The following DSCAM variants were observed in gnomAD, a reference collection of about 807,000 sequenced individuals.
DSCAM encodes cell adhesion molecule DSCAM.
A neutral mutation model predicts 217.7 loss-of-function variants in DSCAM; 47 were observed. The ratio of observed to expected loss-of-function variants is 0.22; its 90% CI spans 0.17 to 0.28. The LOEUF (loss-of-function observed/expected upper bound fraction) is 0.28. Ranked by LOEUF, DSCAM falls within the 10% of genes least tolerant of loss-of-function variation. DSCAM has a pLI of 1.00. For missense variants in DSCAM, 2,080 were observed against 2,618.3 expected (o/e 0.79, Z 4.49); for synonymous variants, 1,056 against 1,015.3 (o/e 1.04, Z -0.76).
rs565295404 is a variant in DSCAM at position 40,197,950 on chromosome 21, G to A, written c.2357-8712C>T. Among the ~76,000 whole-genome samples the A allele has an allele frequency of 5.9e-5, 9 of 152,254 alleles. No homozygotes were observed. In the East Asian group the frequency reaches 1.4e-3, roughly 23 times the overall value. On this transcript the variant is annotated intron_variant, in intron 11 of 32. Transcript: ENST00000400454. ...TATAGTAGCGGAGGAGGCCAAGGGT[G>A]CAGAGTGTCTGACCACAGGGGTATC...
At chr21:40,475,466 C>T (rs575246339) in intron 3 of DSCAM, among the ~76,000 whole-genome samples, 7 of 152,320 alleles carry the variant, frequency 4.6e-5, no homozygotes, top group East Asian at 1.9e-4. Context: ...GTGTGACCTT[C>T]GTCCTGGCCT....
intron 2 of DSCAM, among the ~76,000 whole-genome samples, chr21:40,695,301 T>G (rs1056974203): frequency 5.9e-5 from 9 of 151,992 alleles, no homozygotes; most frequent in African/African-American, 2.2e-4. Flanking sequence ...GCCATAAAAA[T>G]ATGGGGTGAC....
intron 3 of DSCAM, among the ~76,000 whole-genome samples, chr21:40,597,203 C>G (rs926635947): frequency 6.6e-6 from 1 of 152,174 alleles, no homozygotes; most frequent in African/African-American, 2.4e-5. Flanking sequence ...TTGGCTATTA[C>G]TAGCTTCAAC....
At chr21:40,373,446 G>A (rs1312791041) in intron 3 of DSCAM, among the ~76,000 whole-genome samples, 1 of 152,076 alleles carries the variant, frequency 6.6e-6, no homozygotes, top group Non-Finnish European at 1.5e-5. Context: ...TTTGGGTTTA[G>A]GAACATCCCA....
At chr21:40,617,327 T>G (rs2089415472) in intron 3 of DSCAM, among the ~76,000 whole-genome samples, 1 of 151,892 alleles carries the variant, frequency 6.6e-6, no homozygotes, top group Non-Finnish European at 1.5e-5. Flanking sequence ...GGTTTCACCA[T>G]GTTAGCCAGG....
intron 20 of DSCAM, among the ~76,000 whole-genome samples, chr21:40,121,134 G>A (rs980337055): frequency 6.6e-6 from 1 of 152,086 alleles, no homozygotes; most frequent in African/African-American, 2.4e-5. Flanking sequence ...ACTGTCCTCT[G>A]GTGGTCATTC....
chr21:40,819,043 C>T (rs1337147237), intron 1 of DSCAM, among the ~76,000 whole-genome samples: 3 of 152,178 alleles, frequency 2.0e-5, no homozygotes, highest in Non-Finnish European at 4.4e-5. Flanking sequence ...GCCATCCACC[C>T]ATTTGCTCAA....
chr21:40,517,404 A>ACACACACAC (rs2076310968), intron 3 of DSCAM, among the ~76,000 whole-genome samples: 34 of 144,774 alleles, frequency 2.3e-4, no homozygotes, highest in African/African-American at 8.5e-4. Flanking sequence ...ACACACAAGC[A>ACACACACAC]ACACACACAC....
chr21:40,050,085 T>C (rs538542088), intron 30 of DSCAM, among the ~76,000 whole-genome samples: 2 of 152,314 alleles, frequency 1.3e-5, no homozygotes, highest in South Asian at 4.1e-4. Context: ...CTTGGGGCAG[T>C]GTTTCTCAAT....
intron 3 of DSCAM, among the ~76,000 whole-genome samples, chr21:40,629,234 C>T (rs1211196151): frequency 1.3e-5 from 2 of 152,054 alleles, no homozygotes; most frequent in Non-Finnish European, 2.9e-5. Flanking sequence ...ATGGGTCAAA[C>T]CATTTGGGAT....
chr21:40,338,915 A>C (rs1018002213), intron 7 of DSCAM, among the ~76,000 whole-genome samples: 2 of 152,224 alleles, frequency 1.3e-5, no homozygotes, highest in African/African-American at 4.8e-5. Flanking sequence ...GTAAAAAAGA[A>C]CAAGCTGACT....
chr21:40,142,431 GA>G, intron 18 of DSCAM, 126 bp downstream of exon 18: 2 of 1,003,010 alleles, frequency 2.0e-6, no homozygotes, highest in Non-Finnish European at 2.9e-6. Context: ...CAGAAAAGGG[GA>G]AAGTGTCTAT....
chr21:40,146,503 T>C (rs546792438), intron 16 of DSCAM, among the ~76,000 whole-genome samples: 1 of 152,178 alleles, frequency 6.6e-6, no homozygotes, highest in Non-Finnish European at 1.5e-5. Flanking sequence ...TGCCTAATAA[T>C]AACTTCCCAG....
chr21:40,569,244 T>C (rs372461142), intron 3 of DSCAM, among the ~76,000 whole-genome samples: 34 of 152,348 alleles, frequency 2.2e-4, no homozygotes, highest in South Asian at 1.7e-3. Flanking sequence ...CACTGTGGAA[T>C]AGACCCTTAC....
chr21:40,473,341 A>G (rs1262570968), intron 3 of DSCAM, among the ~76,000 whole-genome samples: 1 of 152,208 alleles, frequency 6.6e-6, no homozygotes, highest in African/African-American at 2.4e-5. Context: ...TACTGGAATT[A>G]ATTACAAAGC....
At chr21:40,431,188 T>C (rs938144576) in intron 3 of DSCAM, among the ~76,000 whole-genome samples, 9 of 152,230 alleles carry the variant, frequency 5.9e-5, no homozygotes, top group Admixed American at 5.2e-4. Context: ...AATTGAAATC[T>C]CATGTAATGG....
chr21:40,074,922 G>A (rs1309797861), intron 27 of DSCAM, 115 bp downstream of exon 27: 2 of 1,110,528 alleles, frequency 1.8e-6, no homozygotes, highest in Non-Finnish European at 2.5e-6. Context: ...GAGGGACCTG[G>A]GTTAAAGAGG....
intron 11 of DSCAM, among the ~76,000 whole-genome samples, chr21:40,271,264 T>A (rs970713113): frequency 6.6e-6 from 1 of 152,012 alleles, no homozygotes; most frequent in African/African-American, 2.4e-5. Flanking sequence ...AGCTTGGGGG[T>A]TCACTAGATT....
chr21:40,216,100 G>A (rs1455059993), intron 11 of DSCAM, among the ~76,000 whole-genome samples: 1 of 151,986 alleles, frequency 6.6e-6, no homozygotes. Flanking sequence ...AAACAAATGA[G>A]CCCTTTTTGT....
Sources: allele counts gnomAD v4.1 joint callset (sites outside exome capture counted in the v4.1 genomes callset), GRCh38; gene constraint gnomAD v4.1.1; transcripts MANE v1.5; gene names NCBI Gene and HGNC (gene_info 2026-07-23, HGNC 2026-07-21).